ADCK2: variants seen among roughly 807,000 people sequenced by gnomAD.
The protein encoded by ADCK2 is aarF domain containing kinase 2, also known as uncharacterized aarF domain-containing protein kinase 2.
Under a neutral mutation model 52.3 loss-of-function variants are expected in ADCK2, and 37 were observed. The ratio of observed to expected loss-of-function variants is 0.71; its 90% CI spans 0.54 to 0.93. ADCK2 has a LOEUF of 0.93. ADCK2 is among the 40% of genes least tolerant of loss of function. ADCK2 has a pLI of 0.00. For missense variants in ADCK2, 695 were observed against 798.7 expected (o/e 0.87, Z 1.56); for synonymous variants, 321 against 349.2 (o/e 0.92, Z 0.90).
Position 140,681,117 on chromosome 7 carries a change from A to T in ADCK2, c.1285A>T (p.Ile429Phe). The T allele has an allele frequency of 6.2e-7, 1 of 1,614,048 alleles. No homozygotes were observed. Among genetic ancestry groups the T allele is most frequent in the Non-Finnish European group, 8.5e-7 (1 of 1,179,992 alleles). Residue 429 changes from isoleucine to phenylalanine, a missense_variant, in exon 4 of 8, where the codon ATC (isoleucine) becomes TTC (phenylalanine). Transcript: ENST00000072869. ...DLKRKIARLG[I>F]NMLLKMIFVD... ...GAAAAGGAAGATTGCACGGCTGGGGATCAACATGCTCCTGAAGATGGTGAG... is the reference window on the plus strand; with the variant it reads ...GAAAAGGAAGATTGCACGGCTGGGGTTCAACATGCTCCTGAAGATGGTGAG...
intron 7 of ADCK2, among the ~76,000 whole-genome samples, chr7:140,691,759 T>A (rs1794706267): frequency 6.6e-6 from 1 of 152,240 alleles, no homozygotes; most frequent in African/African-American, 2.4e-5. Flanking sequence ...ATGACATCTA[T>A]TAGTAACCAA....
At chr7:140,688,749 G>C (rs1794653100) in intron 5 of ADCK2, among the ~76,000 whole-genome samples, 1 of 152,188 alleles carries the variant, frequency 6.6e-6, no homozygotes, top group Non-Finnish European at 1.5e-5. Context: ...TCCGATGTGG[G>C]GACATGAGTA....
chr7:140,691,285 TG>T (rs1262756657), intron 7 of ADCK2, among the ~76,000 whole-genome samples: 1 of 152,250 alleles, frequency 6.6e-6, no homozygotes, highest in Non-Finnish European at 1.5e-5. Flanking sequence ...GCTTCGTAGC[TG>T]TTAGTCTATC....
chr7:140,674,679 C>T lies in ADCK2; in HGVS notation c.1002C>T (p.Val334=), dbSNP rs570048506. ...DLLLMKIGSR[V]LGVLPGIKWL... ...TGCTGATGAAGATTGGCAGCCGAGT[C>T]CTGGGAGTTTTGCCAGGCATCAAGT... is the stretch of plus-strand genomic sequence containing the variant. The change falls in exon 2 of 8, where the codon GTC becomes GTT. Residue 334 remains valine (V), a synonymous_variant. Coordinates refer to ENST00000072869, the MANE Select transcript of ADCK2 (RefSeq NM_052853.4). This position sits in a 1 kb window ranked among gnomAD's most constrained non-coding sequence, Gnocchi z 4.6. The T allele has an allele frequency of 5.6e-6, 9 of 1,614,104 alleles. No homozygotes were observed. Among genetic ancestry groups the T allele is most frequent in the East Asian group, 2.2e-5 (1 of 44,878 alleles).
rs745452569 is a variant in ADCK2, at chr7:140,679,234, C to A, written c.1160C>A (p.Thr387Asn). 36 of 1,614,030 alleles carry A rather than the reference C, an allele frequency of 2.2e-5. No individual in the cohort carries two copies. In the South Asian group the frequency reaches 3.6e-4, roughly 16 times the overall value. Reference protein sequence around the residue: ...FRNVKAVKFPTPLRPFVTREV... With the variant: ...FRNVKAVKFPNPLRPFVTREV... ...AATGTGAAAGCCGTCAAGTTCCCCA[C>A]CCCTCTGCGCCCCTTTGTCACCAGA... Residue 387 changes from threonine to asparagine, a missense_variant, in exon 3 of 8, where the codon ACC (threonine) becomes AAC (asparagine). Thr to Asn is a moderately conservative substitution (Grantham distance 65). Transcript: ENST00000072869.
At position 140,686,983 on chromosome 7, in the gene ADCK2, C is replaced by T. The variant is rs1345491512; in HGVS notation, c.1306-7C>T. ...ACTCACTCATGAGCATTGTGATCTC[C>T]TTCCAGATATTTGTGGATAACTTTG... On this transcript the variant is annotated splice_region_variant and splice_polypyrimidine_tract_variant and intron_variant, in intron 4 of 7. Transcript: ENST00000072869. 2 of 1,611,400 alleles carry T rather than the reference C, an allele frequency of 1.2e-6. No homozygotes were observed. The highest frequency in any genetic ancestry group is 3.3e-5 in the Admixed American group (2 of 59,986).
Position 140,675,199 on chromosome 7 carries a change from C to A in ADCK2, c.1080+442C>A, listed in dbSNP as rs578234275. On this transcript the variant is annotated intron_variant, in intron 2 of 7. Transcript: ENST00000072869. ...GAGGTTGCAGTGAGATGACATCATG[C>A]CACTGCACTCCAGCCTGGCGACAGA... 1.5e-4 allele frequency among the ~76,000 whole-genome samples: 23 copies of A among 152,276 alleles called. No individual in the cohort carries two copies. The South Asian group carries it at 4.8e-3, about 32-fold the overall frequency.
In ADCK2 at chr7:140,674,163, T is replaced by C; in HGVS notation, c.833T>C (p.Leu278Pro). The C allele has an allele frequency of 6.2e-7, 1 of 1,613,476 alleles. No homozygotes were observed. Among genetic ancestry groups the C allele is most frequent in the Non-Finnish European group, 8.5e-7 (1 of 1,179,794 alleles). Residue 278 changes from leucine to proline, a missense_variant, in exon 1 of 8, where the codon CTC becomes CCC. Leu to Pro is a moderately conservative substitution (Grantham distance 98). Coordinates refer to ENST00000072869, the MANE Select transcript of ADCK2 (RefSeq NM_052853.4). The surrounding 1 kb of genome is among the most constrained non-coding windows in gnomAD (Gnocchi z 4.6). ...CAGTCGTTTCTAGAAAGGCTGCTCC[T>C]CCCTAAAGCTGACCTGGTTGGATCA... ...ADQSFLERLL[L>P]PKADLVGSNA... is the part of the protein sequence containing the mutation.
intron 4 of ADCK2, among the ~76,000 whole-genome samples, chr7:140,682,163 A>G (rs1304095643): frequency 6.6e-6 from 1 of 152,246 alleles, no homozygotes; most frequent in Non-Finnish European, 1.5e-5. Context: ...CTCGTGACAT[A>G]CTATTCCTTG....
At chr7:140,681,660 G>A (rs899220836) in intron 4 of ADCK2, among the ~76,000 whole-genome samples, 9 of 150,946 alleles carry the variant, frequency 6.0e-5, no homozygotes, top group African/African-American at 2.0e-4. Flanking sequence ...CTCTGTTGCC[G>A]AGGTTGGAGT....
chr7:140,678,532 C>A lies in ADCK2; in HGVS notation c.1081-623C>A, dbSNP rs1281420265. Among the ~76,000 whole-genome samples, 1 of 152,142 alleles carries A rather than the reference C, an allele frequency of 6.6e-6. No homozygotes were observed. The highest frequency in any genetic ancestry group is 1.5e-5 in the Non-Finnish European group (1 of 68,014). On this transcript the variant is annotated intron_variant, in intron 2 of 7. Transcript: ENST00000072869. The surrounding 1 kb of genome is among the most constrained non-coding windows in gnomAD (Gnocchi z 4.9). ...GGGGGCACAGGAGACCCAGCCAAGA[C>A]AGGACAGCGAGAGGCAGCAGGGGTG...
chr7:140,692,312 G>A (rs981954502), intron 7 of ADCK2, among the ~76,000 whole-genome samples: 1 of 152,186 alleles, frequency 6.6e-6, no homozygotes, highest in African/African-American at 2.4e-5. Context: ...TGATTGGCTT[G>A]TTTTACTCAA....
rs1794467233 is a variant in ADCK2 at position 140,678,831 on chromosome 7, A to G, written c.1081-324A>G. 6.6e-6 allele frequency among the ~76,000 whole-genome samples: 1 copy of G among 152,124 alleles called. No homozygotes were observed. The highest frequency in any genetic ancestry group is 2.4e-5 in the African/African-American group (1 of 41,414). On this transcript the variant is annotated intron_variant, in intron 2 of 7. Transcript: ENST00000072869. The surrounding 1 kb of genome is among the most constrained non-coding windows in gnomAD (Gnocchi z 4.9). ...CTGGGGGCTGGCCTGGAGAAGCCAG[A>G]CCCCAGGGAGACGGGGAAGGGACTC...
rs1355123399 is a variant in ADCK2 at position 140,674,802 on chromosome 7, C to G, written c.1080+45C>G. The G allele has an allele frequency of 1.9e-6, 3 of 1,583,804 alleles. No homozygotes were observed. In the East Asian group the frequency reaches 6.8e-5, roughly 36 times the overall value. On this transcript the variant is annotated intron_variant, in intron 2 of 7. Transcript: ENST00000072869. This position sits in a 1 kb window ranked among gnomAD's most constrained non-coding sequence, Gnocchi z 4.6. The stretch of plus-strand genomic sequence containing the variant: ...GCTGTAAATAGCACCTAACATAGTT[C>G]TTGCCATTAGCTGCTACTTAGTAAA...
Position 140,673,505 on chromosome 7 carries a change from G to A in ADCK2, c.175G>A (p.Glu59Lys), listed in dbSNP as rs1460687407. Residue 59 changes from glutamate to lysine, a missense_variant, in exon 1 of 8, where the codon GAG (glutamate) becomes AAG (lysine). Transcript: ENST00000072869. The surrounding 1 kb of genome is among the most constrained non-coding windows in gnomAD (Gnocchi z 6.4). Reference protein sequence around the residue: ...KVVSLCGDVGEGAPDVLSRRR... With the variant: ...KVVSLCGDVGKGAPDVLSRRR... ...CGTCTCCCTGTGCGGGGACGTGGGT[G>A]AGGGGGCCCCTGACGTTCTGAGTCG... The A allele has an allele frequency of 6.2e-7, 1 of 1,602,686 alleles. No homozygotes were observed.
At chr7:140,675,549 G>A (rs1421637712) in intron 2 of ADCK2, among the ~76,000 whole-genome samples, 2 of 152,208 alleles carry the variant, frequency 1.3e-5, no homozygotes, top group Admixed American at 6.5e-5. Flanking sequence ...ATTGGAGGCA[G>A]AGGCCATGCA....
rs1288142337 is a variant in ADCK2, at chr7:140,694,663, G to C, written c.1741G>C (p.Val581Leu). The part of the protein sequence containing the change: ...SVFKLLMTHK[V>L]KLESNFASIV... ...GAACTGTTCTGTTTTTCTGTTCCAG[G>C]TAAAGCTTGAGAGCAACTTTGCCTC... The change falls in exon 8 of 8, where the codon GTA becomes CTA. Residue 581 changes from valine to leucine, a missense_variant and splice_region_variant. By Grantham distance (32) the Val-to-Leu change is conservative (BLOSUM62 1). Transcript: ENST00000072869. The C allele has an allele frequency of 6.2e-7, 1 of 1,613,584 alleles. No individual in the cohort carries two copies. Among genetic ancestry groups the C allele is most frequent in the South Asian group, 1.1e-5 (1 of 90,980 alleles).
chr7:140,690,449 C>T (rs1166852310), intron 6 of ADCK2, among the ~76,000 whole-genome samples: 6 of 150,906 alleles, frequency 4.0e-5, no homozygotes, highest in Admixed American at 6.6e-5. Flanking sequence ...GTGATCCGCC[C>T]GCCTTGGCCT....
At chr7:140,684,288 T>C (rs141708060) in intron 4 of ADCK2, among the ~76,000 whole-genome samples, 201 of 152,286 alleles carry the variant, frequency 1.3e-3, no homozygotes, top group African/African-American at 4.6e-3. Flanking sequence ...AAGAAGTGCC[T>C]TCCTCATAGG....
Sources: allele counts gnomAD v4.1 joint callset (sites outside exome capture counted in the v4.1 genomes callset), GRCh38; gene constraint gnomAD v4.1.1; non-coding constraint Gnocchi (gnomAD v3.1); transcripts MANE v1.5; gene names NCBI Gene and HGNC (gene_info 2026-07-23, HGNC 2026-07-21).